The following CCNH variants were observed in gnomAD, a reference collection of about 807,000 sequenced individuals.
CCNH encodes the protein cyclin-H.
CCNH carries 31 observed loss-of-function variants against 41.9 expected under a neutral mutation model. That is an observed-to-expected ratio of 0.74 (90% CI 0.56 to 1.00). The LOEUF is 1.00. CCNH is among the 50% of genes least tolerant of loss of function. The pLI is 0.00. For synonymous variants in CCNH, 138 were observed against 136.1 expected (o/e 1.01, Z -0.10); for missense variants, 362 against 388.4 (o/e 0.93, Z 0.57).
intron 9 of CCNH, among the ~76,000 whole-genome samples, chr5:87,367,060 A>G (rs1207120798): frequency 1.3e-5 from 2 of 152,280 alleles, no homozygotes; most frequent in Admixed American, 1.3e-4. Flanking sequence ...ACAACAACAA[A>G]AATTTTTTTT....
chr5:87,363,289 TA>T, intron 9 of CCNH: 1 of 1,396,828 alleles, frequency 7.2e-7, no homozygotes, highest in East Asian at 2.3e-5. Context: ...CTAATTTTAA[TA>T]ATATGTAGGA....
intron 9 of CCNH, among the ~76,000 whole-genome samples, chr5:87,367,364 T>C (rs1650246035): frequency 6.6e-6 from 1 of 152,240 alleles, no homozygotes; most frequent in Admixed American, 6.5e-5. Context: ...TTTCCTGCTT[T>C]GTGTACACAT....
chr5:87,389,185 G>A (rs1762283897), downstream of CCNH: 3 of 475,684 alleles, frequency 6.3e-6, no homozygotes, highest in South Asian at 4.2e-5. Context: ...CAAAAAATTA[G>A]CTGGGCATGG....
chr5:87,398,976 GAA>G (rs1201610191), intron 7 of CCNH, among the ~76,000 whole-genome samples: 2 of 113,666 alleles, frequency 1.8e-5, no homozygotes, highest in Non-Finnish European at 1.9e-5. Context: ...CCATCTCAAA[GAA>G]AAAAAAAAAA....
chr5:87,333,260 T>C lies in CCNH; in HGVS notation c.*91-14363A>G, dbSNP rs750149451. The C allele has an allele frequency of 4.3e-6, 7 of 1,612,410 alleles. No individual in the cohort carries two copies. The highest frequency in any genetic ancestry group is 1.7e-4 in the Middle Eastern group (1 of 6,036). On this transcript the variant is annotated intron_variant and NMD_transcript_variant, in intron 9 of 9. Transcript: ENST00000645953. ...TTTTTAAATCTTTTTTTTTTTATGG[T>C]TTCTAGCCAGTAGAAGATAGAAGGC... is the stretch of plus-strand genomic sequence containing the variant.
chr5:87,390,921 T>C (rs771831847), downstream of CCNH: 6 of 1,547,422 alleles, frequency 3.9e-6, no homozygotes, highest in Non-Finnish European at 5.4e-6. Flanking sequence ...ATTCAGCATG[T>C]CCAACATGGT....
chr5:87,341,082 G>T (rs370659834), intron 9 of CCNH, among the ~76,000 whole-genome samples: 1 of 151,930 alleles, frequency 6.6e-6, no homozygotes, highest in Admixed American at 6.6e-5. Context: ...AAGAAAAGTC[G>T]ATAAGAGGGC....
At chr5:87,384,750 AG>A (rs918242296) in intron 9 of CCNH, among the ~76,000 whole-genome samples, 3 of 152,168 alleles carry the variant, frequency 2.0e-5, no homozygotes, top group African/African-American at 7.2e-5. Flanking sequence ...TGTGTTCCAC[AG>A]GGAAGTGCTT....
At chr5:87,409,629 CGTGTGTGTGTGTGT>C (rs71610500) in intron 2 of CCNH, among the ~76,000 whole-genome samples, 143 of 146,080 alleles carry the variant, frequency 9.8e-4, no homozygotes, top group African/African-American at 3.2e-3. Flanking sequence ...TTTAAAAATA[CGTGTGTGTGTGTGT>C]GTGTGTGTGT....
intron 9 of CCNH, among the ~76,000 whole-genome samples, chr5:87,350,249 A>G (rs1361978690): frequency 1.3e-5 from 2 of 151,878 alleles, no homozygotes; most frequent in Non-Finnish European, 2.9e-5. Context: ...ATGTGAGTCT[A>G]GGCAGCTGTA....
chr5:87,317,295 C>T (rs1356040054), downstream of CCNH, among the ~76,000 whole-genome samples: 1 of 152,132 alleles, frequency 6.6e-6, no homozygotes. Context: ...AGCTGCTCTG[C>T]TTTGCCATTT....
chr5:87,323,093 G>A (rs1458521498), intron 9 of CCNH, among the ~76,000 whole-genome samples: 2 of 152,188 alleles, frequency 1.3e-5, no homozygotes, highest in Non-Finnish European at 2.9e-5. Context: ...TATAATTTGA[G>A]CTGATGGATA....
At chr5:87,316,212 G>T (rs1442062067), downstream of CCNH, among the ~76,000 whole-genome samples, 1 of 152,202 alleles carries the variant, frequency 6.6e-6, no homozygotes, top group Admixed American at 6.5e-5. Flanking sequence ...TCTGTTGCCT[G>T]TAATAGATGT....
intron 9 of CCNH, among the ~76,000 whole-genome samples, chr5:87,385,682 T>C (rs986889157): frequency 2.0e-5 from 3 of 152,082 alleles, no homozygotes; most frequent in Non-Finnish European, 4.4e-5. Flanking sequence ...CAAAAAGTCA[T>C]TTAAAAATTT....
chr5:87,314,039 C>T (rs1213128153), downstream of CCNH, among the ~76,000 whole-genome samples: 1 of 152,100 alleles, frequency 6.6e-6, no homozygotes, highest in Non-Finnish European at 1.5e-5. Context: ...CGTGGTGGCA[C>T]ATGCCTGTAA....
chr5:87,316,244 A>T (rs1021533318), downstream of CCNH, among the ~76,000 whole-genome samples: 1 of 152,184 alleles, frequency 6.6e-6, no homozygotes, highest in African/African-American at 2.4e-5. Flanking sequence ...TGTTCTTGCT[A>T]TGGTACCTGG....
chr5:87,338,535 AAT>A lies in CCNH; in HGVS notation c.*91-19640_*91-19639del, dbSNP rs1758179039. ...TATATATATATATATATATATATAAAATTTTTTTTTTTTTTAAGTAGAAATGG... is the reference window on the plus strand; with the variant it reads ...TATATATATATATATATATATATAAATTTTTTTTTTTTTAAGTAGAAATGG... On this transcript the variant is annotated intron_variant and NMD_transcript_variant, in intron 9 of 9. Coordinates refer to the CCNH transcript ENST00000645953. Among the ~76,000 whole-genome samples, 93 of 95,886 alleles carry A rather than the reference AAT, an allele frequency of 9.7e-4. 1 individual carries two copies. The highest frequency in any genetic ancestry group is 4.7e-3 in the East Asian group (11 of 2,346). 62.9% of individuals were successfully genotyped at this position (95,886 alleles called of 152,430 possible).
chr5:87,398,287 G>A (rs1345546930), intron 7 of CCNH, among the ~76,000 whole-genome samples: 5 of 152,150 alleles, frequency 3.3e-5, no homozygotes, highest in Non-Finnish European at 1.5e-5. Flanking sequence ...TTTGAGTCAT[G>A]TGTATTTGAC....
In CCNH at chr5:87,409,354, A is replaced by G. The variant is rs1282922040; in HGVS notation, c.250T>C (p.Cys84Arg). 8 of 1,560,632 alleles carry G rather than the reference A, an allele frequency of 5.1e-6. No homozygotes were observed. The African/African-American group carries it at 1.1e-4, about 21-fold the overall frequency. Residue 84 changes from cysteine to arginine, a missense_variant, in exon 3 of 9, where the codon TGT (cysteine) becomes CGT (arginine). Physicochemically the swap from Cys to Arg is radical, Grantham distance 180 (BLOSUM62 -3). Coordinates refer to ENST00000256897, the MANE Select transcript of CCNH (RefSeq NM_001239.4). Reference protein sequence around the residue: ...AMPRSVVGTACMYFKRFYLNN... With the variant: ...AMPRSVVGTARMYFKRFYLNN... ...AGATAAAAACGTTTGAAATACATAC[A>G]AGCCGTACCCTAAGGGTTAAAAAAA...
Sources: gnomAD v4.1 joint callset for allele counts (sites outside exome capture counted in the v4.1 genomes callset) on GRCh38, gnomAD v4.1.1 for gene constraint, MANE v1.5 for transcripts, NCBI Gene and HGNC (gene_info 2026-07-23, HGNC 2026-07-21) for gene names.